Variants in ATP6V1E1 observed in about 807,000 individuals in gnomAD.
The protein encoded by ATP6V1E1 is V-type proton ATPase subunit E 1.
In ATP6V1E1, 21 loss-of-function variants were observed where a neutral mutation model predicts 35.2. The ratio of observed to expected loss-of-function variants is 0.60; its 90% CI spans 0.42 to 0.86. ATP6V1E1 has a LOEUF of 0.86. Ranked by LOEUF, ATP6V1E1 falls within the 40% of genes least tolerant of loss-of-function variation. The pLI is 0.00. For missense variants in ATP6V1E1, 183 were observed against 272.6 expected (o/e 0.67, Z 2.32); for synonymous variants, 83 against 87.8 (o/e 0.95, Z 0.30).
chr22:17,619,324 G>C (rs949857465), intron 2 of ATP6V1E1, 137 bp downstream of exon 2: 1 of 777,524 alleles, frequency 1.3e-6, no homozygotes, highest in South Asian at 1.7e-5. Context: ...AGGAAGGAGG[G>C]GAAGGAGGGA....
intron 1 of ATP6V1E1, 65 bp downstream of exon 1, chr22:17,628,538 G>T (rs8138727): frequency 6.2e-7 from 1 of 1,609,830 alleles, no homozygotes; most frequent in Non-Finnish European, 8.5e-7. Context: ...CCTTCCCTAG[G>T]CGGGCTCCAG....
intron 1 of ATP6V1E1, among the ~76,000 whole-genome samples, chr22:17,622,588 G>T (rs745562377): frequency 6.6e-6 from 1 of 152,142 alleles, no homozygotes; most frequent in Non-Finnish European, 1.5e-5. Context: ...CATGGCACGC[G>T]TATCACTATG....
intron 7 of ATP6V1E1, chr22:17,597,952 C>T (rs1284620811): frequency 2.1e-6 from 1 of 468,802 alleles, no homozygotes; most frequent in Non-Finnish European, 3.9e-6. Context: ...GTTGGGATTA[C>T]AGGCGTGAGC....
intron 1 of ATP6V1E1, 91 bp from the exon 2 acceptor site, chr22:17,619,617 G>A: frequency 3.5e-6 from 4 of 1,131,170 alleles, no homozygotes; most frequent in South Asian, 3.0e-5. Context: ...TAGGTGCAGT[G>A]GCTCACGCCC....
chr22:17,623,437 C>T (rs2057888076), intron 1 of ATP6V1E1, among the ~76,000 whole-genome samples: 1 of 152,090 alleles, frequency 6.6e-6, no homozygotes, highest in South Asian at 2.1e-4. Flanking sequence ...CTTTGGGAGG[C>T]CAATCCGGGT....
chr22:17,605,213 AAAAAAAAAAAG>A (rs1374434419), intron 4 of ATP6V1E1, among the ~76,000 whole-genome samples: 3 of 147,078 alleles, frequency 2.0e-5, no homozygotes, highest in African/African-American at 7.6e-5. Context: ...CTCAAAAAAA[AAAAAAAAAAAG>A]AAAAGAAAAG....
intron 4 of ATP6V1E1, among the ~76,000 whole-genome samples, chr22:17,603,709 G>T (rs4819609): frequency 0.35 from 52,851 of 151,978 alleles, 9,517 homozygotes; most frequent in African/African-American, 0.41. Context: ...ATTATGTGTA[G>T]GCAAATATTC....
At chr22:17,622,531 GA>G (rs1301052669) in intron 1 of ATP6V1E1, among the ~76,000 whole-genome samples, 1 of 152,138 alleles carries the variant, frequency 6.6e-6, no homozygotes, top group Non-Finnish European at 1.5e-5. Flanking sequence ...ATAGCATTAG[GA>G]GAAATACCTA....
Position 17,592,588 on chromosome 22 carries a change from C to G in ATP6V1E1, c.*86G>C. ...CAATACTGGGGCAGTGAAGAGGAAG[C>G]TACAGAGACATTCGTGTTTCTTCAA... On this transcript the variant is annotated 3_prime_UTR_variant, in exon 9 of 9. Coordinates refer to ENST00000253413, the MANE Select transcript of ATP6V1E1 (RefSeq NM_001696.4). The G allele has an allele frequency of 7.3e-7, 1 of 1,372,244 alleles. No homozygotes were observed. The highest frequency in any genetic ancestry group is 1.0e-6 in the Non-Finnish European group (1 of 961,838). 85.0% of individuals were successfully genotyped at this position (1,372,244 alleles called of 1,614,324 possible). A position where few individuals can be genotyped will look rare whatever the true frequency, so the allele number is the denominator to read the frequency against.
chr22:17,592,418 C>A lies in ATP6V1E1; in HGVS notation c.*256G>T. ...CATGCAACCACCATCTGCCCCCTCC[C>A]CTAGTGCTGCAGAACCGGCTGGACA... On this transcript the variant is annotated 3_prime_UTR_variant, in exon 9 of 9. Coordinates refer to ENST00000253413, the MANE Select transcript of ATP6V1E1 (RefSeq NM_001696.4). 2.1e-6 allele frequency: 1 copy of A among 487,158 alleles called. No individual in the cohort carries two copies. The highest frequency in any genetic ancestry group is 3.7e-6 in the Non-Finnish European group (1 of 269,204). The allele number at this position is 487,158 out of a possible 1,614,324, so 30.2% of individuals were successfully genotyped here.
rs545269786 is a variant in ATP6V1E1 at position 17,592,859 on chromosome 22, G to A, written c.619-123C>T. 1.1e-5 allele frequency: 9 copies of A among 846,632 alleles called. No homozygotes were observed. The South Asian group carries it at 1.2e-4, about 11-fold the overall frequency. 52.4% of individuals were successfully genotyped at this position (846,632 alleles called of 1,614,324 possible). A position where few individuals can be genotyped will look rare whatever the true frequency, so the allele number is the denominator to read the frequency against. ...GCTCTGTCGCCCAGGCTGGAGTGCA[G>A]TGGCGCATCTCCGCTCATTGCAAGC... On this transcript the variant is annotated intron_variant, in intron 8 of 8. Coordinates refer to ENST00000253413, the MANE Select transcript of ATP6V1E1 (RefSeq NM_001696.4).
At chr22:17,620,955 G>C (rs1367814297) in intron 1 of ATP6V1E1, among the ~76,000 whole-genome samples, 1 of 152,090 alleles carries the variant, frequency 6.6e-6, no homozygotes, top group Admixed American at 6.5e-5. Flanking sequence ...CCAGCTACTT[G>C]GGAGGCTGAG....
At position 17,616,656 on chromosome 22, in the gene ATP6V1E1, G is replaced by C. The variant is rs548426270; in HGVS notation, c.99+2805C>G. On this transcript the variant is annotated intron_variant, in intron 2 of 8. Coordinates refer to ENST00000253413, the MANE Select transcript of ATP6V1E1 (RefSeq NM_001696.4). The stretch of plus-strand genomic sequence containing the variant: ...ATCGCGCCACTGCACTCCAGTCTGG[G>C]CAACAAGAATGAAACTCCGGCTCAA... Among the ~76,000 whole-genome samples the C allele has an allele frequency of 4.2e-4, 56 of 132,926 alleles. No homozygotes were observed. The South Asian group carries it at 0.011, about 26-fold the overall frequency. The allele number at this position is 132,926 out of a possible 152,430, so 87.2% of individuals were successfully genotyped here.
chr22:17,624,132 A>C (rs1481232986), intron 1 of ATP6V1E1, among the ~76,000 whole-genome samples: 3 of 152,230 alleles, frequency 2.0e-5, no homozygotes, highest in Non-Finnish European at 2.9e-5. Flanking sequence ...TTAAGCATCT[A>C]CTATGGGCTT....
chr22:17,599,273 A>G (rs1397760676), intron 6 of ATP6V1E1, among the ~76,000 whole-genome samples: 1 of 150,348 alleles, frequency 6.7e-6, no homozygotes, highest in African/African-American at 2.5e-5. Context: ...GTATTTTACC[A>G]CCATTAAAAA....
chr22:17,616,224 TG>T (rs2057843689), intron 2 of ATP6V1E1, among the ~76,000 whole-genome samples: 1 of 152,168 alleles, frequency 6.6e-6, no homozygotes, highest in South Asian at 2.1e-4. Flanking sequence ...GGCAGGGACC[TG>T]TAATCCCAGC....
intron 4 of ATP6V1E1, 34 bp downstream of exon 4, chr22:17,612,778 A>C: frequency 1.3e-6 from 2 of 1,482,874 alleles, no homozygotes; most frequent in Non-Finnish European, 1.8e-6. Flanking sequence ...TAAACATGTA[A>C]TAATTTTATA....
Position 17,625,784 on chromosome 22 carries a change from C to T in ATP6V1E1, c.33+2819G>A, listed in dbSNP as rs190964913. On this transcript the variant is annotated intron_variant, in intron 1 of 8. Coordinates refer to ENST00000253413, the MANE Select transcript of ATP6V1E1 (RefSeq NM_001696.4). ...AGGATTCTGATTTGTTAGTTATAGG[C>T]TTATAAACTGCTACTATATTCCCCT... 3.3e-5 allele frequency among the ~76,000 whole-genome samples: 5 copies of T among 151,954 alleles called. No individual in the cohort carries two copies. The East Asian group carries it at 9.7e-4, about 29-fold the overall frequency.
chr22:17,602,113 C>T (rs1250454504), intron 4 of ATP6V1E1, among the ~76,000 whole-genome samples: 2 of 151,984 alleles, frequency 1.3e-5, no homozygotes, highest in East Asian at 1.9e-4. Flanking sequence ...TGCTATATTA[C>T]CCAGGCTGCT....
Sources: allele counts gnomAD v4.1 joint callset (sites outside exome capture counted in the v4.1 genomes callset), GRCh38; gene constraint gnomAD v4.1.1; transcripts MANE v1.5; gene names NCBI Gene and HGNC (gene_info 2026-07-23, HGNC 2026-07-21).